PLTP: variants seen among roughly 807,000 people sequenced by gnomAD.
The protein encoded by PLTP is phospholipid transfer protein.
In PLTP, 43 loss-of-function variants were observed where a neutral mutation model predicts 54.1. That is an observed-to-expected ratio of 0.79 (90% CI 0.62 to 1.02). The LOEUF is 1.02. Ranked by LOEUF, PLTP falls within the 50% of genes least tolerant of loss-of-function variation. The pLI is 0.00. For synonymous variants in PLTP, 263 were observed against 264.6 expected (o/e 0.99, Z 0.06); for missense variants, 604 against 645.9 (o/e 0.94, Z 0.70).
chr20:45,898,940 C>T lies in PLTP; in HGVS notation c.*1G>A. On this transcript the variant is annotated 3_prime_UTR_variant, in exon 16 of 16. Transcript: ENST00000372431. The surrounding 1 kb of genome is among the most constrained non-coding windows in gnomAD (Gnocchi z 4.6). Reference sequence around the variant, plus strand: ...CAGCTGCCAGCTTGGGGATTGAGGGCTCAGACAGCTGCTGTGGACGGTGTG... The same window carrying T: ...CAGCTGCCAGCTTGGGGATTGAGGGTTCAGACAGCTGCTGTGGACGGTGTG... 1 of 1,613,858 alleles carries T rather than the reference C, an allele frequency of 6.2e-7. No homozygotes were observed. Among genetic ancestry groups the T allele is most frequent in the Non-Finnish European group, 8.5e-7 (1 of 1,179,820 alleles).
intron 12 of PLTP, 130 bp from the exon 13 acceptor site, chr20:45,900,008 T>C (rs1427126969): frequency 3.9e-6 from 3 of 763,326 alleles, no homozygotes; most frequent in Non-Finnish European, 4.6e-6. Flanking sequence ...TTCCAAGTGC[T>C]ACAACTTTCC....
In PLTP at chr20:45,898,725, A is replaced by C; in HGVS notation, c.*216T>G. On this transcript the variant is annotated 3_prime_UTR_variant, in exon 16 of 16. Coordinates refer to ENST00000372431, the MANE Select transcript of PLTP (RefSeq NM_006227.4). This position sits in a 1 kb window ranked among gnomAD's most constrained non-coding sequence, Gnocchi z 4.6. ...CTTTATGATGCACTGATTCCATCCC[A>C]GGAACCCAACAGAGCTCAGGACAGC... The C allele has an allele frequency of 4.4e-6, 3 of 674,902 alleles. No homozygotes were observed. Among genetic ancestry groups the C allele is most frequent in the Non-Finnish European group, 7.5e-6 (3 of 397,404 alleles). 41.8% of individuals were successfully genotyped at this position (674,902 alleles called of 1,614,324 possible).
chr20:45,911,360 C>T lies in PLTP; in HGVS notation c.93G>A (p.Leu31=), dbSNP rs747680513. 1.2e-6 allele frequency: 2 copies of T among 1,613,106 alleles called. No individual in the cohort carries two copies. The highest frequency in any genetic ancestry group is 1.1e-5 in the South Asian group (1 of 91,090). Residue 31 remains leucine, a synonymous_variant, in exon 2 of 16, where the codon CTG becomes CTA. Coordinates refer to ENST00000372431, the MANE Select transcript of PLTP (RefSeq NM_006227.4). ...GCKIRVTSKA[L]ELVKQEGLRF... is the part of the protein sequence containing the mutation. ...TCTGCCCCTGCGCCTTACCCAGCTC[C>T]AGCGCCTTGGAGGTGACGCGGATCT...
In PLTP at chr20:45,911,434, G is replaced by C. The variant is rs1339454716; in HGVS notation, c.19C>G (p.Leu7Val). Residue 7 changes from leucine to valine, a missense_variant, in exon 2 of 16, where the codon CTC becomes GTC. Physicochemically the swap from Leu to Val is conservative, Grantham distance 32. Transcript: ENST00000372431. Reference sequence around the variant, plus strand: ...GCGCCTGCCAGCAGCGCTAGGAAGAGGGCCCCGAAGAGGGCCATGGCGAGC... The same window carrying C: ...GCGCCTGCCAGCAGCGCTAGGAAGACGGCCCCGAAGAGGGCCATGGCGAGC... Reference protein sequence around the residue: MALFGALFLALLAGAHA... With the variant: MALFGAVFLALLAGAHA... The C allele has an allele frequency of 4.4e-6, 7 of 1,605,692 alleles. No individual in the cohort carries two copies. Among genetic ancestry groups the C allele is most frequent in the Non-Finnish European group, 5.9e-6 (7 of 1,179,974 alleles).
At chr20:45,905,952 C>T (rs186394695) in intron 8 of PLTP, among the ~76,000 whole-genome samples, 1 of 152,282 alleles carries the variant, frequency 6.6e-6, no homozygotes, top group Admixed American at 6.5e-5. Context: ...TTATGTCCAG[C>T]TCCTTCGGGG....
At chr20:45,904,616 G>A (rs1017795167) in intron 10 of PLTP, among the ~76,000 whole-genome samples, 184 bp downstream of exon 10, 2 of 145,656 alleles carry the variant, frequency 1.4e-5, no homozygotes, top group Admixed American at 1.3e-4. Context: ...AGATGGGGCA[G>A]GAAGGAGCAG....
At chr20:45,909,205 C>A (rs917764178) in intron 5 of PLTP, among the ~76,000 whole-genome samples, 1 of 152,098 alleles carries the variant, frequency 6.6e-6, no homozygotes, top group South Asian at 2.1e-4. Context: ...CCTTGTGATC[C>A]GCCCGCCCAG....
Position 45,898,995 on chromosome 20 carries a change from C to A in PLTP, c.1428G>T (p.Arg476=). The A allele has an allele frequency of 6.2e-7, 1 of 1,614,114 alleles. No homozygotes were observed. ...KGLREVIEKN[R]PADVRASTAP... ...CAGTGGACGCCCTGACATCAGCAGG[C>A]CGGTTCTTCTCAATCACCTCTCGCA... Residue 476 remains arginine, a synonymous_variant, in exon 16 of 16, where the codon CGG becomes CGT. Coordinates refer to ENST00000372431, the MANE Select transcript of PLTP (RefSeq NM_006227.4). The surrounding 1 kb of genome is among the most constrained non-coding windows in gnomAD (Gnocchi z 4.6).
intron 12 of PLTP, among the ~76,000 whole-genome samples, chr20:45,901,472 C>T (rs2083183310): frequency 6.6e-6 from 1 of 152,106 alleles, no homozygotes; most frequent in African/African-American, 2.4e-5. Flanking sequence ...TGCATGCATG[C>T]AGTCCCAGTT....
rs1423453528 is a variant in PLTP, at chr20:45,906,943, T to C, written c.614-584A>G. Among the ~76,000 whole-genome samples the C allele has an allele frequency of 4.1e-5, 5 of 121,148 alleles. 1 individual carries two copies. The highest frequency in any genetic ancestry group is 9.8e-5 in the Non-Finnish European group (5 of 51,068). The allele number at this position is 121,148 out of a possible 152,430, so 79.5% of individuals were successfully genotyped here. ...CATGAGGTTCCTTTCCCTTGGTTTCTCCTACCTCCTCCTTCGCTTCCCATG... is the reference window on the plus strand; with the variant it reads ...CATGAGGTTCCTTTCCCTTGGTTTCCCCTACCTCCTCCTTCGCTTCCCATG... On this transcript the variant is annotated intron_variant, in intron 7 of 15. Coordinates refer to ENST00000372431, the MANE Select transcript of PLTP (RefSeq NM_006227.4).
intron 7 of PLTP, among the ~76,000 whole-genome samples, 175 bp from the exon 8 acceptor site, chr20:45,906,534 C>G (rs2083240260): frequency 6.6e-6 from 1 of 152,090 alleles, no homozygotes; most frequent in Non-Finnish European, 1.5e-5. Flanking sequence ...GTTAGGTGCT[C>G]ATTAATGTTA....
rs200795637 is a variant in PLTP at position 45,909,682 on chromosome 20, G to A, written c.330-11C>T. On this transcript the variant is annotated splice_polypyrimidine_tract_variant and intron_variant, in intron 4 of 15. Coordinates refer to ENST00000372431, the MANE Select transcript of PLTP (RefSeq NM_006227.4). Reference sequence around the variant, plus strand: ...TAGCCCCCATCATAGCTGCCAGGGGGGTTAATATTCACTCCAGGTAGGAGC... The same window carrying A: ...TAGCCCCCATCATAGCTGCCAGGGGAGTTAATATTCACTCCAGGTAGGAGC... 56 of 1,613,854 alleles carry A rather than the reference G, an allele frequency of 3.5e-5. No individual in the cohort carries two copies. Among genetic ancestry groups the A allele is most frequent in the Non-Finnish European group, 4.5e-5 (53 of 1,179,960 alleles).
Position 45,905,048 on chromosome 20 carries a change from T to C in PLTP, c.776A>G (p.Glu259Gly), listed in dbSNP as rs376643862. 43 of 1,614,086 alleles carry C rather than the reference T, an allele frequency of 2.7e-5. No individual in the cohort carries two copies. Among genetic ancestry groups the C allele is most frequent in the Non-Finnish European group, 3.6e-5 (42 of 1,180,030 alleles). ...PNRAVEPQLQ[E>G]EERMVYVAFS... ...GGCCACATACACCATCCGCTCTTCC[T>C]CCTGCAGCTGGGGCTCCACTGCCCG... Residue 259 changes from glutamate to glycine, a missense_variant, in exon 9 of 16, where the codon GAG becomes GGG. Coordinates refer to ENST00000372431, the MANE Select transcript of PLTP (RefSeq NM_006227.4).
intron 12 of PLTP, among the ~76,000 whole-genome samples, chr20:45,900,384 C>T (rs11569658): frequency 0.012 from 1,771 of 152,068 alleles, 28 homozygotes; most frequent in African/African-American, 0.039. Context: ...GGATTACAGG[C>T]GTGAGCCACC....
intron 13 of PLTP, 29 bp downstream of exon 13, chr20:45,899,807 G>GGGCCCGGGCCCCCCCCCCCCCCCCC: frequency 7.3e-7 from 1 of 1,369,468 alleles, no homozygotes; most frequent in Non-Finnish European, 1.0e-6. Context: ...CACGAACCCA[G>GGGCCCGGGCCCCCCCCCCCCCCCCC]CCCAGCCCAC....
At position 45,904,965 on chromosome 20, in the gene PLTP, G is replaced by A. The variant is rs768313389; in HGVS notation, c.859C>T (p.Gln287Ter). The change falls in exon 9 of 16, where the codon CAG becomes TAG. Residue 287 changes from glutamine to a stop codon, truncating the protein, a stop_gained. Coordinates refer to ENST00000372431, the MANE Select transcript of PLTP (RefSeq NM_006227.4). LOFTEE classifies it high-confidence loss of function. ...ACCTTGTCCCCCACCAGCAACAGCT[G>A]CAGGGCCCCCGCCCGGAAGTAGCTC... ...MESYFRAGALQLLLVGDKVPH... is the reference protein window; with the variant it reads ...MESYFRAGAL The A allele has an allele frequency of 8.7e-6, 14 of 1,614,240 alleles. No individual in the cohort carries two copies. Among genetic ancestry groups the A allele is most frequent in the Middle Eastern group, 3.3e-4 (2 of 6,062 alleles).
Position 45,907,580 on chromosome 20 carries a change from C to T in PLTP, c.613+112G>A. The T allele has an allele frequency of 4.0e-6, 4 of 1,010,464 alleles. No individual in the cohort carries two copies. In the South Asian group the frequency reaches 5.4e-5, roughly 14 times the overall value. 62.6% of individuals were successfully genotyped at this position (1,010,464 alleles called of 1,614,324 possible). A position where few individuals can be genotyped will look rare whatever the true frequency, so the allele number is the denominator to read the frequency against. ...CACCCAAAATCGCACAACAAGTCAG[C>T]TCCAGGGGCCACATTTGAACCCAGG... is the stretch of plus-strand genomic sequence containing the variant. On this transcript the variant is annotated intron_variant, in intron 7 of 15. Transcript: ENST00000372431.
At chr20:45,903,999 A>G (rs941490439) in intron 10 of PLTP, among the ~76,000 whole-genome samples, 5 of 152,322 alleles carry the variant, frequency 3.3e-5, no homozygotes, top group Admixed American at 3.3e-4. Flanking sequence ...ATGCCCAGCC[A>G]TATCCCCATT....
chr20:45,903,105 A>T (rs1014844635), intron 10 of PLTP, among the ~76,000 whole-genome samples: 11 of 152,158 alleles, frequency 7.2e-5, no homozygotes, highest in African/African-American at 2.7e-4. Flanking sequence ...GTTTCGCCAT[A>T]TTGGCCAGGC....
Sources: gnomAD v4.1 joint callset for allele counts (sites outside exome capture counted in the v4.1 genomes callset) on GRCh38, gnomAD v4.1.1 for gene constraint, Gnocchi (gnomAD v3.1) non-coding constraint, MANE v1.5 for transcripts, NCBI Gene and HGNC (gene_info 2026-07-23, HGNC 2026-07-21) for gene names.